PIK3C2G: variants seen among roughly 807,000 people sequenced by gnomAD.
PIK3C2G encodes the protein phosphatidylinositol-4-phosphate 3-kinase catalytic subunit type 2 gamma.
PIK3C2G carries 168 observed loss-of-function variants against 181.1 expected under a neutral mutation model. The observed-to-expected ratio is 0.93, with a 90% CI of 0.82 to 1.05. PIK3C2G has a LOEUF of 1.05. Among genes scored for constraint, PIK3C2G ranks in the 50% least tolerant of loss-of-function variants. The probability of loss-of-function intolerance (pLI) is 0.00; values close to 1 mark genes in which losing one functional copy is unlikely to be tolerated. For synonymous variants in PIK3C2G, 573 were observed against 592.2 expected (o/e 0.97, Z 0.47); for missense variants, 1,869 against 1,732.8 (o/e 1.08, Z -1.40).
At chr12:18,346,604 C>T (rs765574347) in intron 10 of PIK3C2G, 37 bp from the exon 11 acceptor site, 2 of 1,287,208 alleles carry the variant, frequency 1.6e-6, no homozygotes, top group East Asian at 2.4e-5. Context: ...AAATATGGCC[C>T]TTCTTAGTGA....
At chr12:18,630,783 T>C (rs1169478324) in intron 31 of PIK3C2G, among the ~76,000 whole-genome samples, 1 of 152,134 alleles carries the variant, frequency 6.6e-6, no homozygotes, top group African/African-American at 2.4e-5. Flanking sequence ...CTGAGCACAG[T>C]AATATTATTA....
chr12:18,600,257 T>A (rs1259851543), intron 30 of PIK3C2G, among the ~76,000 whole-genome samples: 2 of 151,912 alleles, frequency 1.3e-5, no homozygotes, highest in Non-Finnish European at 2.9e-5. Context: ...AATGGAAATT[T>A]TCAGAAAACT....
intron 3 of PIK3C2G, among the ~76,000 whole-genome samples, chr12:18,287,230 T>G (rs2137162741): frequency 6.6e-6 from 1 of 152,256 alleles, no homozygotes; most frequent in Non-Finnish European, 1.5e-5. Context: ...TTTTTTTTGT[T>G]TAATGACGTA....
At chr12:18,476,213 A>C (rs1261148070) in intron 18 of PIK3C2G, among the ~76,000 whole-genome samples, 1 of 152,190 alleles carries the variant, frequency 6.6e-6, no homozygotes, top group Non-Finnish European at 1.5e-5. Flanking sequence ...TAAGTTAAAC[A>C]TTAAAAGATA....
the PIK3C2G span, among the ~76,000 whole-genome samples, chr12:18,708,129 G>A: frequency 6.1e-4 from 92 of 152,048 alleles, no homozygotes; most frequent in African/African-American, 2.1e-3. Context: ...TCCTACATAT[G>A]TGCTACTTTG....
chr12:18,698,101 C>A, the PIK3C2G span, among the ~76,000 whole-genome samples: 3 of 151,530 alleles, frequency 2.0e-5, no homozygotes, highest in Non-Finnish European at 1.5e-5. Flanking sequence ...CATGAAGGAA[C>A]AGAGACCAGT....
At chr12:18,432,489 A>G (rs1214054795) in intron 18 of PIK3C2G, among the ~76,000 whole-genome samples, 1 of 152,146 alleles carries the variant, frequency 6.6e-6, no homozygotes, top group Non-Finnish European at 1.5e-5. Context: ...GTTTCCCTAT[A>G]ATAATGTTAG....
At chr12:18,625,402 T>A (rs906381558) in intron 31 of PIK3C2G, among the ~76,000 whole-genome samples, 2 of 151,792 alleles carry the variant, frequency 1.3e-5, no homozygotes, top group Admixed American at 6.6e-5. Context: ...GTGATTTCAA[T>A]CTTCCTAATT....
upstream of PIK3C2G, among the ~76,000 whole-genome samples, chr12:18,256,593 C>T (rs1948148286): frequency 6.6e-6 from 1 of 152,094 alleles, no homozygotes; most frequent in African/African-American, 2.4e-5. Flanking sequence ...TTTAGAGTCA[C>T]CTCTAGCCCG....
chr12:18,396,077 G>A (rs1943875159), intron 15 of PIK3C2G, among the ~76,000 whole-genome samples: 1 of 151,378 alleles, frequency 6.6e-6, no homozygotes, highest in African/African-American at 2.4e-5. Context: ...AATGCACTAA[G>A]AACTCAAATT....
At chr12:18,264,440 T>C (rs1225384645) in intron 1 of PIK3C2G, among the ~76,000 whole-genome samples, 1 of 152,176 alleles carries the variant, frequency 6.6e-6, no homozygotes, top group Non-Finnish European at 1.5e-5. Flanking sequence ...AAAATTTCCA[T>C]TAATGGTAAT....
At chr12:18,280,611 C>T (rs897075037) in intron 1 of PIK3C2G, among the ~76,000 whole-genome samples, 2 of 151,778 alleles carry the variant, frequency 1.3e-5, no homozygotes, top group Non-Finnish European at 2.9e-5. Context: ...TGTAGTGTCA[C>T]GGGTCGTTAA....
chr12:18,519,278 T>G (rs1250931113), intron 24 of PIK3C2G, among the ~76,000 whole-genome samples: 1 of 152,224 alleles, frequency 6.6e-6, no homozygotes, highest in Non-Finnish European at 1.5e-5. Context: ...AAGTCCTTAA[T>G]ATCCTTGTTA....
chr12:18,273,035 C>T (rs564575736), intron 1 of PIK3C2G, among the ~76,000 whole-genome samples: 4 of 134,896 alleles, frequency 3.0e-5, no homozygotes, highest in Non-Finnish European at 3.4e-5. Flanking sequence ...AACACACACA[C>T]ACAGAGATAG....
At chr12:18,469,528 G>A (rs1393331025) in intron 18 of PIK3C2G, among the ~76,000 whole-genome samples, 1 of 151,990 alleles carries the variant, frequency 6.6e-6, no homozygotes, top group Admixed American at 6.6e-5. Context: ...TCAAATTGTA[G>A]TTGAAGTTTA....
At chr12:18,371,150 G>T in intron 12 of PIK3C2G, 30 bp from the exon 13 acceptor site, 1 of 1,567,932 alleles carries the variant, frequency 6.4e-7, no homozygotes, top group South Asian at 1.2e-5. Flanking sequence ...CAATTGGGTA[G>T]GTAATGCTTC....
At chr12:18,258,733 A>C (rs1591763538), upstream of PIK3C2G, among the ~76,000 whole-genome samples, 2 of 152,100 alleles carry the variant, frequency 1.3e-5, no homozygotes, top group Admixed American at 1.3e-4. Context: ...TATCGTCTTA[A>C]AATGATTGGT....
At chr12:18,593,501 G>A (rs760220732) in intron 29 of PIK3C2G, among the ~76,000 whole-genome samples, 2 of 151,908 alleles carry the variant, frequency 1.3e-5, no homozygotes, top group Non-Finnish European at 2.9e-5. Flanking sequence ...GACAGAGTGA[G>A]AGAAAAGAAC....
chr12:18,398,129 A>C (rs1221760149), intron 15 of PIK3C2G, among the ~76,000 whole-genome samples: 2 of 152,158 alleles, frequency 1.3e-5, no homozygotes, highest in African/African-American at 4.8e-5. Context: ...GACATCAACA[A>C]AACTATTTTA....
Sources: allele counts gnomAD v4.1 joint callset (sites outside exome capture counted in the v4.1 genomes callset), GRCh38; gene constraint gnomAD v4.1.1; transcripts MANE v1.5; gene names NCBI Gene and HGNC (gene_info 2026-07-23, HGNC 2026-07-21).